MRPS14: variants seen among roughly 807,000 people sequenced by gnomAD.
The protein encoded by MRPS14 is small ribosomal subunit protein uS14m.
A neutral mutation model predicts 16.4 loss-of-function variants in MRPS14; 14 were observed. The observed-to-expected ratio is 0.85, with a 90% CI of 0.56 to 1.33. The LOEUF is 1.33. MRPS14 is among the 40% of genes most tolerant of loss of function. The pLI, the probability that MRPS14 is intolerant of heterozygous loss-of-function variation, is 0.00. For synonymous variants in MRPS14, 54 were observed against 61.9 expected (o/e 0.87, Z 0.60); for missense variants, 162 against 176.8 (o/e 0.92, Z 0.48).
At chr1:175,015,122 T>A (rs570051151) in intron 2 of MRPS14, among the ~76,000 whole-genome samples, 11 of 152,004 alleles carry the variant, frequency 7.2e-5, no homozygotes, top group Admixed American at 2.0e-4. Flanking sequence ...TAATTTTTTG[T>A]ATTATTAGTA....
Position 175,018,110 on chromosome 1 carries a change from C to T in MRPS14, c.204+308G>A, listed in dbSNP as rs1255606427. ...TTGCACTCCAGCCTGGGGAACAGAGCGAGACTCCATCTCAAAAAAAAAAAA... is the reference window on the plus strand; with the variant it reads ...TTGCACTCCAGCCTGGGGAACAGAGTGAGACTCCATCTCAAAAAAAAAAAA... On this transcript the variant is annotated intron_variant, in intron 2 of 2. Transcript: ENST00000476371. Among the ~76,000 whole-genome samples the T allele has an allele frequency of 4.6e-5, 7 of 150,784 alleles. No homozygotes were observed. The South Asian group carries it at 6.3e-4, about 14-fold the overall frequency.
At position 175,013,286 on chromosome 1, in the gene MRPS14, G is replaced by C. The variant is rs888982302; in HGVS notation, c.*1383C>G. On this transcript the variant is annotated 3_prime_UTR_variant, in exon 3 of 3. Transcript: ENST00000476371. ...CAGGCATCTCCAACACCGCATGACT[G>C]GAACCTGAACTCGCTTATCTTCTGT... 2 of 152,160 alleles carry C rather than the reference G, an allele frequency of 1.3e-5. No individual in the cohort carries two copies. The highest frequency in any genetic ancestry group is 2.9e-5 in the Non-Finnish European group (2 of 68,044). 9.4% of individuals were successfully genotyped at this position (152,160 alleles called of 1,614,324 possible). A position where few individuals can be genotyped will look rare whatever the true frequency, so the allele number is the denominator to read the frequency against.
chr1:175,023,082 G>A (rs1433116305), intron 1 of MRPS14, among the ~76,000 whole-genome samples: 1 of 152,102 alleles, frequency 6.6e-6, no homozygotes, highest in Non-Finnish European at 1.5e-5. Flanking sequence ...ACAAGTCTCT[G>A]AGAGCTCAAT....
At chr1:175,018,787 AATAT>A (rs760442445) in intron 1 of MRPS14, among the ~76,000 whole-genome samples, 20 of 152,264 alleles carry the variant, frequency 1.3e-4, no homozygotes, top group South Asian at 2.1e-4. Flanking sequence ...AAATCATAAT[AATAT>A]AATGCAATAA....
In MRPS14 at chr1:175,014,016, A is replaced by C. The variant is rs953612834; in HGVS notation, c.*653T>G. ...TTTCTGTTATGGATTAAATAAACAT[A>C]AAAATAGGGAATATATACTGTTCCA... On this transcript the variant is annotated 3_prime_UTR_variant, in exon 3 of 3. Transcript: ENST00000476371. The C allele has an allele frequency of 1.3e-5, 2 of 152,312 alleles. No homozygotes were observed. The highest frequency in any genetic ancestry group is 2.9e-5 in the Non-Finnish European group (2 of 68,100). 9.4% of individuals were successfully genotyped at this position (152,312 alleles called of 1,614,324 possible).
intron 2 of MRPS14, 84 bp from the exon 3 acceptor site, chr1:175,014,935 T>TTC (rs1558329776): frequency 1.2e-4 from 115 of 932,918 alleles, no homozygotes; most frequent in African/African-American, 3.9e-4. Context: ...GTAATTTTCT[T>TTC]TTCTTTTTTT....
At chr1:175,023,170 T>C (rs1673011876) in intron 1 of MRPS14, 194 bp downstream of exon 1, 3 of 1,376,722 alleles carry the variant, frequency 2.2e-6, no homozygotes, top group Non-Finnish European at 2.9e-6. Context: ...CAGTTAGTCA[T>C]ATGCTTACGA....
intron 1 of MRPS14, among the ~76,000 whole-genome samples, chr1:175,020,507 A>AT (rs985772815): frequency 6.6e-6 from 1 of 151,726 alleles, no homozygotes; most frequent in African/African-American, 2.4e-5. Flanking sequence ...AGTAATATCC[A>AT]TTTTTTCCCC....
At chr1:175,023,185 C>G in intron 1 of MRPS14, 179 bp downstream of exon 1, 2 of 1,471,610 alleles carry the variant, frequency 1.4e-6, no homozygotes, top group South Asian at 1.4e-5. Context: ...TTACGAAAAC[C>G]AAATTGACAT....
At chr1:175,014,928 A>ATTT in intron 2 of MRPS14, 77 bp from the exon 3 acceptor site, 2 of 1,142,004 alleles carry the variant, frequency 1.8e-6, no homozygotes, top group South Asian at 3.3e-5. Flanking sequence ...CTTGCAGGTA[A>ATTT]TTTTCTTTTC....
At chr1:175,018,082 C>A (rs1171265003) in intron 2 of MRPS14, among the ~76,000 whole-genome samples, 1 of 151,896 alleles carries the variant, frequency 6.6e-6, no homozygotes, top group Admixed American at 6.6e-5. Flanking sequence ...CGAGACTGAG[C>A]CATTGCACTC....
intron 1 of MRPS14, 175 bp downstream of exon 1, chr1:175,023,189 T>C (rs1402632891): frequency 2.7e-6 from 4 of 1,478,094 alleles, no homozygotes; most frequent in Non-Finnish European, 2.7e-6. Context: ...GAAAACCAAA[T>C]TGACATCTGC....
In MRPS14 at chr1:175,014,786, C is replaced by G. The variant is rs560452263; in HGVS notation, c.270G>C (p.Arg90=). The G allele has an allele frequency of 1.2e-6, 2 of 1,614,150 alleles. No homozygotes were observed. Among genetic ancestry groups the G allele is most frequent in the African/African-American group, 1.3e-5 (1 of 75,016 alleles). Residue 90 remains arginine (R), a synonymous_variant, in exon 3 of 3, where the codon CGG becomes CGC. Coordinates refer to ENST00000476371, the MANE Select transcript of MRPS14 (RefSeq NM_022100.3). ...CACGCGGACGGGACGTCATAACACA[C>G]CGATTTCTGATTCTAACAGGACAGC... is the stretch of plus-strand genomic sequence containing the variant. ...RDSCPVRIRN[R]CVMTSRPRGV...
At position 175,023,344 on chromosome 1, in the gene MRPS14, G is replaced by A. The variant is rs1379435515; in HGVS notation, c.45+20C>T. 6.2e-7 allele frequency: 1 copy of A among 1,613,586 alleles called. No homozygotes were observed. Among genetic ancestry groups the A allele is most frequent in the South Asian group, 1.1e-5 (1 of 90,914 alleles). On this transcript the variant is annotated intron_variant, in intron 1 of 2. Coordinates refer to ENST00000476371, the MANE Select transcript of MRPS14 (RefSeq NM_022100.3). ...TTCAGCGGTGAGGGGTAGCGGTGTG[G>A]ATAAAAGTAGAGGCCTGACCTGCTT...
At chr1:175,017,061 T>TC (rs1336951628) in intron 2 of MRPS14, among the ~76,000 whole-genome samples, 1 of 151,912 alleles carries the variant, frequency 6.6e-6, no homozygotes, top group Non-Finnish European at 1.5e-5. Flanking sequence ...CCTGCCCTTT[T>TC]TTTTTTGTTT....
intron 2 of MRPS14, among the ~76,000 whole-genome samples, chr1:175,015,489 G>T (rs1346286808): frequency 6.6e-6 from 1 of 152,158 alleles, no homozygotes; most frequent in East Asian, 1.9e-4. Flanking sequence ...TAGAGAAGGA[G>T]GAAGGAGAGT....
chr1:175,023,186 A>C (rs1357758492), intron 1 of MRPS14, 178 bp downstream of exon 1: 1 of 1,475,178 alleles, frequency 6.8e-7, no homozygotes, highest in Non-Finnish European at 9.0e-7. Flanking sequence ...TACGAAAACC[A>C]AATTGACATC....
In MRPS14 at chr1:175,017,047, G is replaced by C. The variant is rs867036680; in HGVS notation, c.204+1371C>G. 2.1e-5 allele frequency among the ~76,000 whole-genome samples: 3 copies of C among 145,438 alleles called. No homozygotes were observed. In the East Asian group the frequency reaches 5.8e-4, roughly 28 times the overall value. The stretch of plus-strand genomic sequence containing the variant: ...ATGTCTTGAGCTCAGTTTCTTGGGG[G>C]CCCCCTGCCCTTTTTTTTTTGTTTT... On this transcript the variant is annotated intron_variant, in intron 2 of 2. Transcript: ENST00000476371.
chr1:175,014,958 A>G (rs1465797603), intron 2 of MRPS14, 107 bp from the exon 3 acceptor site: 6 of 1,028,848 alleles, frequency 5.8e-6, no homozygotes, highest in Non-Finnish European at 8.3e-6. Context: ...TTTTTTTGAG[A>G]CAGAGTCTCG....
Sources: allele counts gnomAD v4.1 joint callset (sites outside exome capture counted in the v4.1 genomes callset), GRCh38; gene constraint gnomAD v4.1.1; transcripts MANE v1.5; gene names NCBI Gene and HGNC (gene_info 2026-07-23, HGNC 2026-07-21).